The following STYX variants were observed in gnomAD, a reference collection of about 807,000 sequenced individuals.
The protein encoded by STYX is serine/threonine/tyrosine interacting protein.
A neutral mutation model predicts 42.7 loss-of-function variants in STYX; 20 were observed. The observed-to-expected ratio is 0.47, with a 90% CI of 0.33 to 0.68. The LOEUF (loss-of-function observed/expected upper bound fraction) is 0.68. Ranked by LOEUF, STYX falls within the 30% of genes least tolerant of loss-of-function variation. STYX has a pLI of 0.02. For synonymous variants in STYX, 78 were observed against 81.9 expected (o/e 0.95, Z 0.26); for missense variants, 226 against 268.5 (o/e 0.84, Z 1.11).
intron 9 of STYX, among the ~76,000 whole-genome samples, chr14:52,767,028 G>A (rs1226331435): frequency 6.6e-6 from 1 of 152,180 alleles, no homozygotes; most frequent in Non-Finnish European, 1.5e-5. Context: ...CAAACAAAAT[G>A]TAGTAGGCCA....
At chr14:52,756,771 T>C (rs923599857) in intron 5 of STYX, among the ~76,000 whole-genome samples, 160 bp downstream of exon 5, 3 of 137,368 alleles carry the variant, frequency 2.2e-5, no homozygotes, top group Non-Finnish European at 4.6e-5. Context: ...CACCACAACC[T>C]CTGCTTCCCG....
rs1383121839 is a variant in STYX at position 52,774,942 on chromosome 14, G to C, written c.*3836G>C. 1 of 152,152 alleles carries C rather than the reference G, an allele frequency of 6.6e-6. No homozygotes were observed. The highest frequency in any genetic ancestry group is 1.5e-5 in the Non-Finnish European group (1 of 68,028). 9.4% of individuals were successfully genotyped at this position (152,152 alleles called of 1,614,324 possible). On this transcript the variant is annotated 3_prime_UTR_variant, in exon 11 of 11. Transcript: ENST00000354586. ...GCACAAAGTATTAAAATTATTTTGT[G>C]AAGATTGGTGGTTGTATTAAAACTG...
At chr14:52,736,260 C>G (rs961348821) in intron 1 of STYX, among the ~76,000 whole-genome samples, 3 of 152,238 alleles carry the variant, frequency 2.0e-5, no homozygotes, top group African/African-American at 7.2e-5. Flanking sequence ...TTGCCAGTTT[C>G]TCTAACTCCT....
rs1320228236 is a variant in STYX, at chr14:52,731,068, C to A, written c.57+537C>A. Among the ~76,000 whole-genome samples the A allele has an allele frequency of 3.3e-5, 5 of 152,216 alleles. No individual in the cohort carries two copies. In the East Asian group the frequency reaches 5.8e-4, roughly 18 times the overall value. On this transcript the variant is annotated intron_variant, in intron 1 of 10. Coordinates refer to ENST00000354586, the MANE Select transcript of STYX (RefSeq NM_145251.4). The stretch of plus-strand genomic sequence containing the variant: ...AATCTGAGAACTCTTAATCAGAAAT[C>A]TTGACCTTTGGAGGAAAATTAATAT...
chr14:52,733,059 G>C (rs1880798935), intron 1 of STYX, among the ~76,000 whole-genome samples: 1 of 152,116 alleles, frequency 6.6e-6, no homozygotes. Flanking sequence ...CCACATTCCA[G>C]GTGAAGAAAT....
At chr14:52,747,779 G>A (rs1881448147) in intron 3 of STYX, among the ~76,000 whole-genome samples, 1 of 152,124 alleles carries the variant, frequency 6.6e-6, no homozygotes, top group African/African-American at 2.4e-5. Flanking sequence ...ATTACATGAG[G>A]CCAGGAGTTC....
intron 3 of STYX, among the ~76,000 whole-genome samples, chr14:52,749,150 C>T (rs2139901045): frequency 6.6e-6 from 1 of 152,234 alleles, no homozygotes; most frequent in South Asian, 2.1e-4. Flanking sequence ...GCTCGCAGAT[C>T]CCTCCCTTCT....
chr14:52,762,224 TC>T (rs1882124868), intron 9 of STYX, among the ~76,000 whole-genome samples: 1 of 152,128 alleles, frequency 6.6e-6, no homozygotes, highest in Non-Finnish European at 1.5e-5. Context: ...TTGGTGTTCC[TC>T]TCACCGGTTT....
At position 52,772,464 on chromosome 14, in the gene STYX, G is replaced by T. The variant is rs2139945759; in HGVS notation, c.*1358G>T. On this transcript the variant is annotated 3_prime_UTR_variant, in exon 11 of 11. Transcript: ENST00000354586. ...ATAAAAGTTCTAAGAAAACATTTTT[G>T]CTATTTTAAGTATGTAAGGGAAGAG... 6.6e-6 allele frequency: 1 copy of T among 152,622 alleles called. No homozygotes were observed. The highest frequency in any genetic ancestry group is 2.1e-4 in the South Asian group (1 of 4,832). The allele number at this position is 152,622 out of a possible 1,614,324, so 9.5% of individuals were successfully genotyped here. A position where few individuals can be genotyped will look rare whatever the true frequency, so the allele number is the denominator to read the frequency against.
chr14:52,770,720 A>G (rs1436863232), intron 10 of STYX, among the ~76,000 whole-genome samples: 1 of 152,122 alleles, frequency 6.6e-6, no homozygotes, highest in Non-Finnish European at 1.5e-5. Flanking sequence ...CTAAAAAACA[A>G]TTAACTTGAT....
At chr14:52,745,047 C>T (rs116529974) in intron 2 of STYX, among the ~76,000 whole-genome samples, 163 bp downstream of exon 2, 1,789 of 150,840 alleles carry the variant, frequency 0.012, 32 homozygotes, top group African/African-American at 0.041. Context: ...GATCTTAAAA[C>T]GATGGGAAAT....
chr14:52,739,632 C>CTTTTTTTTTTTT (rs58454717), intron 1 of STYX, among the ~76,000 whole-genome samples: 47 of 65,726 alleles, frequency 7.2e-4, no homozygotes, highest in African/African-American at 7.6e-4. Context: ...TCCTTTCTTT[C>CTTTTTTTTTTTT]TTTTTTTTTT....
intron 9 of STYX, among the ~76,000 whole-genome samples, chr14:52,764,961 G>A (rs758232450): frequency 4.6e-5 from 7 of 152,020 alleles, no homozygotes; most frequent in Non-Finnish European, 8.8e-5. Flanking sequence ...GAGCCACGGC[G>A]CCCAGCCCTT....
chr14:52,759,458 G>C (rs1377072094), intron 8 of STYX, among the ~76,000 whole-genome samples: 1 of 152,152 alleles, frequency 6.6e-6, no homozygotes, highest in African/African-American at 2.4e-5. Context: ...GTTCCCCAAG[G>C]TAGGTGTTAT....
At chr14:52,768,957 G>A (rs1283161209) in intron 10 of STYX, 24 bp downstream of exon 10, 1 of 1,521,700 alleles carries the variant, frequency 6.6e-7, no homozygotes, top group South Asian at 1.3e-5. Flanking sequence ...TCTTTTTGGA[G>A]AAATTTGGGA....
intron 4 of STYX, among the ~76,000 whole-genome samples, chr14:52,753,102 G>A (rs1015159673): frequency 6.8e-6 from 1 of 148,088 alleles, no homozygotes; most frequent in Admixed American, 6.8e-5. Flanking sequence ...CCAGGCTGGA[G>A]TGCAGTGGCA....
intron 10 of STYX, among the ~76,000 whole-genome samples, chr14:52,770,351 A>G (rs1006167356): frequency 6.6e-6 from 1 of 152,126 alleles, no homozygotes; most frequent in Non-Finnish European, 1.5e-5. Context: ...AGGTCATGCC[A>G]TTGTTAGGCA....
In STYX at chr14:52,730,447, C is replaced by G. The variant is rs751574778; in HGVS notation, c.-28C>G. On this transcript the variant is annotated 5_prime_UTR_variant, in exon 1 of 11. Transcript: ENST00000354586. ...GGCCGGCTGTGTAACACTCTCCCACCCCACCCACCAGCCCGCGGGCCAGCA... is the reference window on the plus strand; with the variant it reads ...GGCCGGCTGTGTAACACTCTCCCACGCCACCCACCAGCCCGCGGGCCAGCA... 6.2e-7 allele frequency: 1 copy of G among 1,612,194 alleles called. No homozygotes were observed. Among genetic ancestry groups the G allele is most frequent in the South Asian group, 1.1e-5 (1 of 90,650 alleles).
At chr14:52,746,405 C>A in intron 2 of STYX, 21 bp from the exon 3 acceptor site, 1 of 1,544,834 alleles carries the variant, frequency 6.5e-7, no homozygotes, top group Admixed American at 2.3e-5. Flanking sequence ...TGGTAAATAC[C>A]TCAAATTTTT....
Sources: gnomAD v4.1 joint callset for allele counts (sites outside exome capture counted in the v4.1 genomes callset) on GRCh38, gnomAD v4.1.1 for gene constraint, MANE v1.5 for transcripts, NCBI Gene and HGNC (gene_info 2026-07-23, HGNC 2026-07-21) for gene names.